ABCC3: variants seen among roughly 807,000 people sequenced by gnomAD.
ABCC3 encodes the protein ATP binding cassette subfamily C member 3.
ABCC3 carries 121 observed loss-of-function variants against 165.3 expected under a neutral mutation model. That is an observed-to-expected ratio of 0.73 (90% CI 0.63 to 0.85). ABCC3 has a LOEUF of 0.85. Among genes scored for constraint, ABCC3 ranks in the 40% least tolerant of loss-of-function variants. ABCC3 has a pLI of 0.00. For synonymous variants in ABCC3, 733 were observed against 810.1 expected (o/e 0.90, Z 1.62); for missense variants, 1,869 against 1,964.1 (o/e 0.95, Z 0.92).
At chr17:50,666,647 C>T (rs561622745) in intron 11 of ABCC3, among the ~76,000 whole-genome samples, 2 of 152,334 alleles carry the variant, frequency 1.3e-5, no homozygotes, top group South Asian at 4.1e-4. Flanking sequence ...TATTGTATGC[C>T]TCCCCCATCA....
chr17:50,653,319 G>T (rs545671720), intron 1 of ABCC3, among the ~76,000 whole-genome samples: 1 of 144,730 alleles, frequency 6.9e-6, no homozygotes. Flanking sequence ...ACACTCCAGC[G>T]TGGGGGCCAA....
At chr17:50,656,528 C>T (rs1413590042) in intron 2 of ABCC3, among the ~76,000 whole-genome samples, 174 bp from the exon 3 acceptor site, 2 of 152,244 alleles carry the variant, frequency 1.3e-5, no homozygotes, top group African/African-American at 4.8e-5. Context: ...TAAGTAAGTT[C>T]AGCAACACTC....
At chr17:50,687,864 G>A in intron 30 of ABCC3, 134 bp downstream of exon 30, 3 of 972,644 alleles carry the variant, frequency 3.1e-6, no homozygotes, top group Non-Finnish European at 4.6e-6. Context: ...GCAGAGCAGA[G>A]TTTCCCAAGA....
At chr17:50,657,362 T>C (rs1967275400) in intron 4 of ABCC3, among the ~76,000 whole-genome samples, 179 bp downstream of exon 4, 1 of 152,042 alleles carries the variant, frequency 6.6e-6, no homozygotes, top group African/African-American at 2.4e-5. Context: ...GGGGCACCAG[T>C]GTAACACAGG....
chr17:50,676,599 G>C lies in ABCC3; in HGVS notation c.3378+11G>C. The C allele has an allele frequency of 6.3e-7, 1 of 1,593,196 alleles. No individual in the cohort carries two copies. The highest frequency in any genetic ancestry group is 8.6e-7 in the Non-Finnish European group (1 of 1,167,632). On this transcript the variant is annotated intron_variant, in intron 23 of 30. Transcript: ENST00000285238. ...TACACCTTAGTGCAGGTGTGGGGTG[G>C]GCGTGATTCCAGTGTGGGCGTGGTG...
At position 50,683,642 on chromosome 17, in the gene ABCC3, C is replaced by G. The variant is rs760727409; in HGVS notation, c.3840C>G (p.Pro1280=). Residue 1280 remains proline (P), a synonymous_variant, in exon 27 of 31, where the codon CCC becomes CCG. Coordinates refer to ENST00000285238, the MANE Select transcript of ABCC3 (RefSeq NM_003786.4). ...GGGTGGTGGAAGGCAGCCGCCCTCCCGAAGGTTGGCCCCCACGTGGGGAGG... is the reference window on the plus strand; with the variant it reads ...GGGTGGTGGAAGGCAGCCGCCCTCCGGAAGGTTGGCCCCCACGTGGGGAGG... ...APWVVEGSRP[P]EGWPPRGEVE... The G allele has an allele frequency of 1.9e-6, 3 of 1,595,734 alleles. No homozygotes were observed. In the South Asian group the frequency reaches 3.4e-5, roughly 18 times the overall value.
rs755545854 is a variant in ABCC3 at position 50,687,708 on chromosome 17, A to G, written c.4453A>G (p.Asn1485Asp). ...CTVLTIAHRLNTIMDYTRVLV... is the reference protein window; with the variant it reads ...CTVLTIAHRLDTIMDYTRVLV... ...TGTCCTGACCATCGCACACCGGCTT[A>G]ACACTATCATGGACTACACCAGGTG... Residue 1485 changes from asparagine (N) to aspartate (D), a missense_variant, in exon 30 of 31, where the codon AAC (asparagine) becomes GAC (aspartate). By Grantham distance (23) the Asn-to-Asp change is conservative. Transcript: ENST00000285238. 4.3e-6 allele frequency: 7 copies of G among 1,614,190 alleles called. No individual in the cohort carries two copies. The highest frequency in any genetic ancestry group is 5.1e-6 in the Non-Finnish European group (6 of 1,180,024).
chr17:50,650,829 C>T (rs1299900011), intron 1 of ABCC3, among the ~76,000 whole-genome samples: 1 of 151,836 alleles, frequency 6.6e-6, no homozygotes, highest in East Asian at 1.9e-4. Flanking sequence ...ACTTTGGAGT[C>T]CGAGGTAGGC....
chr17:50,642,651 G>A (rs748442398), intron 1 of ABCC3, among the ~76,000 whole-genome samples: 2 of 152,164 alleles, frequency 1.3e-5, no homozygotes, highest in Non-Finnish European at 2.9e-5. Flanking sequence ...AGGTTCAAGG[G>A]CACGAAGGGG....
At chr17:50,665,658 T>C (rs993249161) in intron 11 of ABCC3, among the ~76,000 whole-genome samples, 9 of 151,552 alleles carry the variant, frequency 5.9e-5, no homozygotes, top group Non-Finnish European at 8.8e-5. Flanking sequence ...CATGCTGGAA[T>C]GCAGTGGCAT....
At position 50,675,724 on chromosome 17, in the gene ABCC3, G is replaced by A. The variant is rs747998855; in HGVS notation, c.2808G>A (p.Glu936=). 3.8e-6 allele frequency: 6 copies of A among 1,564,254 alleles called. No homozygotes were observed. Among genetic ancestry groups the A allele is most frequent in the South Asian group, 1.2e-5 (1 of 85,156 alleles). ...LGPSEKVQVT[E]AKADGALTQE... is the part of the protein sequence containing the mutation. ...CATCAGAGAAGGTGCAGGTGACAGA[G>A]GCGAAGGCAGATGGGGCACTGACCC... The change falls in exon 21 of 31, where the codon GAG becomes GAA. Residue 936 remains glutamate (E), a synonymous_variant. Transcript: ENST00000285238.
intron 1 of ABCC3, among the ~76,000 whole-genome samples, chr17:50,651,708 A>G (rs1355556999): frequency 6.6e-6 from 1 of 152,234 alleles, no homozygotes; most frequent in Non-Finnish European, 1.5e-5. Flanking sequence ...AGTAGGCGAT[A>G]GAGACCCTAT....
chr17:50,665,780 A>ATT (rs564591034), intron 11 of ABCC3, among the ~76,000 whole-genome samples: 2 of 142,682 alleles, frequency 1.4e-5, no homozygotes, highest in Admixed American at 7.0e-5. Context: ...TTATTTTTGT[A>ATT]TTTTTTTTTT....
At chr17:50,646,393 G>C (rs1034508636) in intron 1 of ABCC3, among the ~76,000 whole-genome samples, 1 of 152,184 alleles carries the variant, frequency 6.6e-6, no homozygotes, top group Non-Finnish European at 1.5e-5. Flanking sequence ...CTATTGTAGG[G>C]TGTATGGAGT....
chr17:50,646,092 T>C (rs1467286169), intron 1 of ABCC3, among the ~76,000 whole-genome samples: 1 of 152,022 alleles, frequency 6.6e-6, no homozygotes, highest in Non-Finnish European at 1.5e-5. Flanking sequence ...TGATAGGTGT[T>C]ATAGAGAAAA....
In ABCC3 at chr17:50,675,623, C is replaced by T. The variant is rs747873628; in HGVS notation, c.2715-8C>T. On this transcript the variant is annotated splice_polypyrimidine_tract_variant and splice_region_variant and intron_variant, in intron 20 of 30. Transcript: ENST00000285238. Reference sequence around the variant, plus strand: ...CCCCTCCCTGGGCCTGACCAGCTGCCTCCACAGACAGCTGAGTGCCCTGTC... The same window carrying T: ...CCCCTCCCTGGGCCTGACCAGCTGCTTCCACAGACAGCTGAGTGCCCTGTC... The T allele has an allele frequency of 3.2e-6, 5 of 1,564,086 alleles. No homozygotes were observed. The highest frequency in any genetic ancestry group is 4.3e-6 in the Non-Finnish European group (5 of 1,154,220).
Position 50,660,980 on chromosome 17 carries a change from G to C in ABCC3, c.864G>C (p.Leu288=), listed in dbSNP as rs1967366067. The stretch of plus-strand genomic sequence containing the variant: ...CCTCCGGCGAGGACGAGGTGCTGCT[G>C]GGTGCCCGGCCCAGGCCCCGGAAGC... ...KNASGEDEVL[L]GARPRPRKPS... is the part of the protein sequence containing the mutation. Residue 288 remains leucine (L), a synonymous_variant, in exon 8 of 31, where the codon CTG becomes CTC. Coordinates refer to ENST00000285238, the MANE Select transcript of ABCC3 (RefSeq NM_003786.4). The C allele has an allele frequency of 6.2e-7, 1 of 1,613,862 alleles. No individual in the cohort carries two copies. The highest frequency in any genetic ancestry group is 2.2e-5 in the East Asian group (1 of 44,874).
chr17:50,676,729 G>T, intron 23 of ABCC3, 141 bp downstream of exon 23: 2 of 811,182 alleles, frequency 2.5e-6, no homozygotes, highest in South Asian at 3.7e-5. Context: ...TAACATTTAT[G>T]TTAGGGGAGC....
rs1967697696 is a variant in ABCC3 at position 50,673,577 on chromosome 17, C to T, written c.2518C>T (p.Gln840Ter). The change falls in exon 19 of 31, where the codon CAG (glutamine) becomes TAG (stop). Residue 840 changes from glutamine to a stop codon, truncating the protein, a stop_gained. Transcript: ENST00000285238. LOFTEE classifies it high-confidence loss of function. The part of the protein sequence containing the change: ...SEMGPYPALL[Q>*]RNGSFANFLC... ...GATGGGCCCGTACCCAGCCCTGCTG[C>T]AGCGCAACGGCTCCTTTGCCAACTT... 3 of 1,614,206 alleles carry T rather than the reference C, an allele frequency of 1.9e-6. No homozygotes were observed. Among genetic ancestry groups the T allele is most frequent in the South Asian group, 1.1e-5 (1 of 91,084 alleles).
Sources: gnomAD v4.1 joint callset for allele counts (sites outside exome capture counted in the v4.1 genomes callset) on GRCh38, gnomAD v4.1.1 for gene constraint, MANE v1.5 for transcripts, NCBI Gene and HGNC (gene_info 2026-07-23, HGNC 2026-07-21) for gene names.